P2RY6: variants seen among roughly 807,000 people sequenced by gnomAD.
The protein encoded by P2RY6 is P2Y purinoceptor 6.
P2RY6 carries 19 observed loss-of-function variants against 16.3 expected under a neutral mutation model. That is an observed-to-expected ratio of 1.16 (90% CI 0.81 to 1.71). The LOEUF is 1.71. Among genes scored for constraint, P2RY6 ranks in the 40% most tolerant of loss-of-function variants. The probability of loss-of-function intolerance (pLI) is 0.00; values close to 1 mark genes in which losing one functional copy is unlikely to be tolerated. For synonymous variants in P2RY6, 184 were observed against 201.5 expected, an observed-to-expected ratio of 0.91 and a Z score of 0.74; for missense variants, 389 against 455.5, an observed-to-expected ratio of 0.85 and a Z score of 1.33.
chr11:73,296,620 G>C lies in P2RY6; in HGVS notation c.102G>C (p.Ser34=). ...FKQLLLPPVY[S]AVLAAGLPLN... ...AACTGCTGCTGCCACCTGTGTATTC[G>C]GCGGTGCTGGCGGCTGGCCTGCCGC... Residue 34 remains serine, a synonymous_variant, in exon 3 of 3, where the codon TCG becomes TCC. Coordinates refer to ENST00000540124, the MANE Select transcript of P2RY6 (RefSeq NM_001277204.2). 1 of 1,614,140 alleles carries C rather than the reference G, an allele frequency of 6.2e-7. No homozygotes were observed.
rs565510433 is a variant in P2RY6 at position 73,282,560 on chromosome 11, C to A, written c.-121+10094C>A. Among the ~76,000 whole-genome samples, 3 of 152,310 alleles carry A rather than the reference C, an allele frequency of 2.0e-5. No homozygotes were observed. In the South Asian group the frequency reaches 6.2e-4, roughly 32 times the overall value. Reference sequence around the variant, plus strand: ...GAGCACCTGCCTTTTTCTTTCCACACTCCACCAAAGAATCACCTCCTCCAG... The same window carrying A: ...GAGCACCTGCCTTTTTCTTTCCACAATCCACCAAAGAATCACCTCCTCCAG... On this transcript the variant is annotated intron_variant, in intron 1 of 2. Transcript: ENST00000540124.
intron 1 of P2RY6, among the ~76,000 whole-genome samples, chr11:73,286,135 C>G (rs1052950629): frequency 2.0e-5 from 3 of 152,196 alleles, no homozygotes; most frequent in Non-Finnish European, 4.4e-5. Context: ...GATGGGGAGA[C>G]CTCTGGGTCA....
chr11:73,285,896 G>T (rs1419104750), intron 1 of P2RY6, among the ~76,000 whole-genome samples: 1 of 152,214 alleles, frequency 6.6e-6, no homozygotes, highest in African/African-American at 2.4e-5. Flanking sequence ...GTGTCCTGGG[G>T]CAGCCAAGCT....
At chr11:73,292,891 C>G (rs1183202440) in intron 1 of P2RY6, 1 of 983,594 alleles carries the variant, frequency 1.0e-6, no homozygotes, top group African/African-American at 1.8e-5. Context: ...CTTGGGACCA[C>G]CAGCGTGCTG....
At chr11:73,272,315 G>A, upstream of P2RY6, 1 of 985,302 alleles carries the variant, frequency 1.0e-6, no homozygotes, top group Non-Finnish European at 1.2e-6. Flanking sequence ...AGGTCTCTCG[G>A]TTTCCTCATC....
upstream of P2RY6, chr11:73,269,877 C>G (rs1033437911): frequency 1.3e-5 from 2 of 152,390 alleles, no homozygotes; most frequent in African/African-American, 2.4e-5. Context: ...GTCTCTCCCC[C>G]CACACCTTCT....
chr11:73,292,877 C>T (rs1864316528), intron 1 of P2RY6: 8 of 984,860 alleles, frequency 8.1e-6, no homozygotes, highest in Non-Finnish European at 9.6e-6. Context: ...TTTGCCCCAA[C>T]ACACTTGGGA....
upstream of P2RY6, chr11:73,272,205 A>C (rs1192691631): frequency 4.2e-6 from 1 of 240,464 alleles, no homozygotes; most frequent in Admixed American, 6.5e-5. Flanking sequence ...AGGATGAGTC[A>C]GCATTGGTGT....
chr11:73,274,392 C>A (rs557526855), intron 1 of P2RY6, among the ~76,000 whole-genome samples: 2 of 152,026 alleles, frequency 1.3e-5, no homozygotes, highest in Admixed American at 1.3e-4. Flanking sequence ...ATTGACTGAG[C>A]AACTACAATG....
At position 73,296,489 on chromosome 11, in the gene P2RY6, C is replaced by A; in HGVS notation, c.-30C>A. ...GGCTGTGTATTGCTTTCCCAGCCTCCCTGAACATAGGAAACCCACCTGGGC... is the reference window on the plus strand; with the variant it reads ...GGCTGTGTATTGCTTTCCCAGCCTCACTGAACATAGGAAACCCACCTGGGC... On this transcript the variant is annotated 5_prime_UTR_variant, in exon 3 of 3. Coordinates refer to ENST00000540124, the MANE Select transcript of P2RY6 (RefSeq NM_001277204.2). 1 of 1,606,026 alleles carries A rather than the reference C, an allele frequency of 6.2e-7. No individual in the cohort carries two copies. Among genetic ancestry groups the A allele is most frequent in the Non-Finnish European group, 8.5e-7 (1 of 1,174,158 alleles).
At chr11:73,293,887 T>C (rs993803557) in intron 1 of P2RY6, among the ~76,000 whole-genome samples, 1 of 151,986 alleles carries the variant, frequency 6.6e-6, no homozygotes, top group Non-Finnish European at 1.5e-5. Context: ...AAAGGGAGGT[T>C]GAGGGATGCA....
intron 1 of P2RY6, among the ~76,000 whole-genome samples, chr11:73,285,886 G>T (rs1863952246): frequency 1.3e-5 from 2 of 152,222 alleles, no homozygotes; most frequent in African/African-American, 4.8e-5. Flanking sequence ...CCTCTGCAGG[G>T]TGTCCTGGGG....
At chr11:73,290,354 A>AGAAAGAAG (rs1554991152) in intron 1 of P2RY6, among the ~76,000 whole-genome samples, 57 of 121,944 alleles carry the variant, frequency 4.7e-4, no homozygotes, top group African/African-American at 1.7e-3. Context: ...AAAGAAAGAA[A>AGAAAGAAG]GAAAGAAAGA....
Position 73,297,571 on chromosome 11 carries a change from C to A in P2RY6, c.*66C>A, listed in dbSNP as rs1229486147. On this transcript the variant is annotated 3_prime_UTR_variant, in exon 3 of 3. Transcript: ENST00000540124. ...TCCGGGGCACCAGGAGCCCCACCAA[C>A]CCCAAACCATGCGGAGAATTAGAGT... 2 of 1,263,660 alleles carry A rather than the reference C, an allele frequency of 1.6e-6. No individual in the cohort carries two copies. Among genetic ancestry groups the A allele is most frequent in the Admixed American group, 4.1e-5 (2 of 49,318 alleles). 78.3% of individuals were successfully genotyped at this position (1,263,660 alleles called of 1,614,324 possible).
intron 1 of P2RY6, among the ~76,000 whole-genome samples, chr11:73,294,288 A>G (rs1343323070): frequency 6.6e-6 from 1 of 152,226 alleles, no homozygotes. Flanking sequence ...CCTCCATCAG[A>G]CTAGCATATC....
upstream of P2RY6, among the ~76,000 whole-genome samples, chr11:73,267,659 T>TG (rs1224543087): frequency 1.3e-5 from 2 of 152,078 alleles, no homozygotes; most frequent in African/African-American, 2.4e-5. Context: ...CAGCATAGGC[T>TG]GGGGGGTGGA....
Position 73,297,742 on chromosome 11 carries a change from C to A in P2RY6, c.*237C>A, listed in dbSNP as rs568187248. ...CTGGCTCTTGAGAGGTCCCAGTCAG[C>A]CATGGAGAGCTGGGGAAACCACATT... is the stretch of plus-strand genomic sequence containing the variant. On this transcript the variant is annotated 3_prime_UTR_variant, in exon 3 of 3. Transcript: ENST00000540124. 2.1e-5 allele frequency: 12 copies of A among 564,954 alleles called. No individual in the cohort carries two copies. In the East Asian group the frequency reaches 3.5e-4, roughly 17 times the overall value. 35.0% of individuals were successfully genotyped at this position (564,954 alleles called of 1,614,324 possible). A position where few individuals can be genotyped will look rare whatever the true frequency, so the allele number is the denominator to read the frequency against.
intron 1 of P2RY6, among the ~76,000 whole-genome samples, chr11:73,279,726 T>C (rs1389406964): frequency 3.9e-5 from 6 of 152,150 alleles, no homozygotes; most frequent in Non-Finnish European, 7.4e-5. Flanking sequence ...TGGGGCAAAC[T>C]CTAATTGGTT....
rs553724484 is a variant in P2RY6 at position 73,286,191 on chromosome 11, G to A, written c.-120-9539G>A. ...AGCCCTGAGGGTCCAGAACTCAGAGGCCTGTCATTGACCCCTGGGTCCAGC... is the reference window on the plus strand; with the variant it reads ...AGCCCTGAGGGTCCAGAACTCAGAGACCTGTCATTGACCCCTGGGTCCAGC... On this transcript the variant is annotated intron_variant, in intron 1 of 2. Transcript: ENST00000540124. 2.6e-4 allele frequency among the ~76,000 whole-genome samples: 39 copies of A among 152,300 alleles called. No homozygotes were observed. In the South Asian group the frequency reaches 8.1e-3, roughly 32 times the overall value.
Sources: allele counts gnomAD v4.1 joint callset (sites outside exome capture counted in the v4.1 genomes callset), GRCh38; gene constraint gnomAD v4.1.1; transcripts MANE v1.5; gene names NCBI Gene and HGNC (gene_info 2026-07-23, HGNC 2026-07-21).